GOSR1: variants seen among roughly 807,000 people sequenced by gnomAD.
GOSR1 encodes golgi SNAP receptor complex member 1.
A neutral mutation model predicts 35.5 loss-of-function variants in GOSR1; 21 were observed. That is an observed-to-expected ratio of 0.59 (90% confidence interval 0.42 to 0.85). The LOEUF (loss-of-function observed/expected upper bound fraction) is 0.85, where lower values mean the gene tolerates loss of function less well. GOSR1 is among the 40% of genes least tolerant of loss of function. The pLI is 0.00. For synonymous variants in GOSR1, 94 were observed against 106.6 expected (o/e 0.88, Z 0.73); for missense variants, 285 against 309.6 (o/e 0.92, Z 0.60).
At chr17:30,501,127 G>A (rs376775836) in intron 6 of GOSR1, among the ~76,000 whole-genome samples, 21 of 152,030 alleles carry the variant, frequency 1.4e-4, no homozygotes, top group African/African-American at 4.6e-4. Context: ...TGATCCGCCC[G>A]CCTCGGCCTC....
chr17:30,515,588 CA>C (rs1967776678), intron 7 of GOSR1, among the ~76,000 whole-genome samples: 1 of 152,150 alleles, frequency 6.6e-6, no homozygotes, highest in African/African-American at 2.4e-5. Context: ...CAAATTTCTA[CA>C]AATCTCCATT....
intron 6 of GOSR1, among the ~76,000 whole-genome samples, chr17:30,502,278 G>A (rs557431363): frequency 1.3e-5 from 2 of 152,276 alleles, no homozygotes; most frequent in South Asian, 4.1e-4. Context: ...TGCAAGGATG[G>A]ATCCATGACA....
chr17:30,485,760 G>A (rs1270395975), intron 4 of GOSR1, among the ~76,000 whole-genome samples: 2 of 152,210 alleles, frequency 1.3e-5, no homozygotes, highest in African/African-American at 2.4e-5. Context: ...AGTGGCTCGT[G>A]CCTGTAATCC....
Position 30,527,306 on chromosome 17 carries a change from A to G in GOSR1, c.*4928A>G, listed in dbSNP as rs1968198588. On this transcript the variant is annotated 3_prime_UTR_variant, in exon 9 of 9. Transcript: ENST00000451249. ...GAGGTCAAGGCTGCAGTAAGCAACG[A>G]TTGTGCCACTGTACTCCAGCCTGGG... 6.6e-6 allele frequency: 1 copy of G among 152,230 alleles called. No individual in the cohort carries two copies. Among genetic ancestry groups the G allele is most frequent in the African/African-American group, 2.4e-5 (1 of 41,458 alleles). The allele number at this position is 152,230 out of a possible 1,614,324, so 9.4% of individuals were successfully genotyped here.
At chr17:30,493,982 T>C (rs1208413117) in intron 6 of GOSR1, among the ~76,000 whole-genome samples, 3 of 152,172 alleles carry the variant, frequency 2.0e-5, no homozygotes, top group Admixed American at 1.3e-4. Flanking sequence ...AACACACTCA[T>C]TTGCAAAGTT....
intron 7 of GOSR1, among the ~76,000 whole-genome samples, chr17:30,512,804 G>A (rs1489363014): frequency 2.0e-5 from 3 of 151,928 alleles, no homozygotes; most frequent in Non-Finnish European, 2.9e-5. Flanking sequence ...CTTTCTGCCT[G>A]CTCTTCTAGG....
chr17:30,515,598 T>A (rs1967776993), intron 7 of GOSR1, among the ~76,000 whole-genome samples: 1 of 152,178 alleles, frequency 6.6e-6, no homozygotes, highest in South Asian at 2.1e-4. Context: ...CAAATCTCCA[T>A]TTTTAACCCT....
chr17:30,517,788 A>G (rs1333482104), intron 7 of GOSR1, among the ~76,000 whole-genome samples: 2 of 152,228 alleles, frequency 1.3e-5, no homozygotes, highest in African/African-American at 4.8e-5. Flanking sequence ...CTCTTTTGCC[A>G]TCTCAAATCT....
At chr17:30,483,994 C>T (rs1040904395) in intron 2 of GOSR1, among the ~76,000 whole-genome samples, 2 of 152,134 alleles carry the variant, frequency 1.3e-5, no homozygotes, top group Non-Finnish European at 2.9e-5. Flanking sequence ...AATCTTATTT[C>T]CTCTTGGTAA....
intron 2 of GOSR1, 126 bp downstream of exon 2, chr17:30,481,383 A>G (rs1491000796): frequency 6.8e-6 from 4 of 586,540 alleles, no homozygotes; most frequent in Admixed American, 5.8e-5. Flanking sequence ...TTGTTTTGCC[A>G]TTCATTGTTT....
At chr17:30,511,532 ATT>A (rs5819904) in intron 7 of GOSR1, among the ~76,000 whole-genome samples, 321 of 146,660 alleles carry the variant, frequency 2.2e-3, no homozygotes, top group Admixed American at 3.5e-3. Flanking sequence ...AAACATTTGT[ATT>A]TTTTTTTTTT....
chr17:30,522,378 A>C lies in GOSR1; in HGVS notation c.747A>C (p.Ter249CysextTer8). 1 of 1,568,450 alleles carries C rather than the reference A, an allele frequency of 6.4e-7. No individual in the cohort carries two copies. Residue 249 changes from the stop codon to cysteine (C), a stop_lost, in exon 9 of 9, where the codon TGA becomes TGC. Coordinates refer to ENST00000451249, the MANE Select transcript of GOSR1 (RefSeq NM_001007025.2). ...TILLLLYAFH[*>C] The stretch of plus-strand genomic sequence containing the variant: ...TGTTGCTGCTGTATGCGTTCCATTG[A>C]TGGGACATCTTCAGGGACTCTTGAC...
At chr17:30,501,370 C>G (rs1967198296) in intron 6 of GOSR1, among the ~76,000 whole-genome samples, 1 of 152,086 alleles carries the variant, frequency 6.6e-6, no homozygotes, top group Non-Finnish European at 1.5e-5. Context: ...TGGCTAAAAT[C>G]CAAAACACTG....
At chr17:30,518,413 T>TC (rs1967898391) in intron 7 of GOSR1, among the ~76,000 whole-genome samples, 1 of 147,774 alleles carries the variant, frequency 6.8e-6, no homozygotes, top group South Asian at 2.2e-4. Context: ...ACCATCATCT[T>TC]CCCCAAATCT....
At position 30,478,887 on chromosome 17, in the gene GOSR1, G is replaced by A. The variant is rs994444105; in HGVS notation, c.31+1423G>A. The A allele has an allele frequency of 7.2e-5, 11 of 152,260 alleles. 1 individual carries two copies. The South Asian group carries it at 1.9e-3, about 26-fold the overall frequency. The allele number at this position is 152,260 out of a possible 1,614,324, so 9.4% of individuals were successfully genotyped here. A position where few individuals can be genotyped will look rare whatever the true frequency, so the allele number is the denominator to read the frequency against. The stretch of plus-strand genomic sequence containing the variant: ...AACATTTTAAAATTATGTAGAAGAG[G>A]CTACTGATATCTTTATTACTAGTCA... On this transcript the variant is annotated intron_variant, in intron 1 of 8. Coordinates refer to ENST00000451249, the MANE Select transcript of GOSR1 (RefSeq NM_001007025.2).
rs991696742 is a variant in GOSR1 at position 30,525,536 on chromosome 17, G to A, written c.*3158G>A. On this transcript the variant is annotated 3_prime_UTR_variant, in exon 9 of 9. Coordinates refer to ENST00000451249, the MANE Select transcript of GOSR1 (RefSeq NM_001007025.2). ...TTTGATTTTTCAAAGGGCCTTGATT[G>A]GTGGTTGTGTCTCGGTTAAAATTTA... 3.9e-5 allele frequency: 6 copies of A among 152,116 alleles called. No homozygotes were observed. Among genetic ancestry groups the A allele is most frequent in the African/African-American group, 1.4e-4 (6 of 41,404 alleles). 9.4% of individuals were successfully genotyped at this position (152,116 alleles called of 1,614,324 possible).
chr17:30,498,892 T>C (rs1445043980), intron 6 of GOSR1, among the ~76,000 whole-genome samples: 2 of 152,190 alleles, frequency 1.3e-5, no homozygotes, highest in African/African-American at 2.4e-5. Context: ...AATGTATCCA[T>C]TTTAAGTTTA....
At chr17:30,510,579 T>C in intron 6 of GOSR1, 1 of 180,716 alleles carries the variant, frequency 5.5e-6, no homozygotes, top group Non-Finnish European at 1.2e-5. Context: ...CCAGGCATGG[T>C]GGCGGGTGCA....
intron 7 of GOSR1, among the ~76,000 whole-genome samples, chr17:30,513,432 G>A (rs1967685173): frequency 1.3e-5 from 2 of 152,158 alleles, no homozygotes; most frequent in South Asian, 4.2e-4. Flanking sequence ...TGAAATAACA[G>A]CCTAGATTTC....
Sources: gnomAD v4.1 joint callset for allele counts (sites outside exome capture counted in the v4.1 genomes callset) on GRCh38, gnomAD v4.1.1 for gene constraint, MANE v1.5 for transcripts, NCBI Gene and HGNC (gene_info 2026-07-23, HGNC 2026-07-21) for gene names.